GREB1: variants seen among roughly 807,000 people sequenced by gnomAD.
GREB1 encodes protein GREB1.
In GREB1, 106 loss-of-function variants were observed where a neutral mutation model predicts 200.7. That is an observed-to-expected ratio of 0.53 (90% CI 0.45 to 0.62). The LOEUF is 0.62. GREB1 is among the 20% of genes least tolerant of loss of function. GREB1 has a pLI of 0.00. For synonymous variants in GREB1, 1,132 were observed against 1,092.4 expected, an observed-to-expected ratio of 1.04 and a Z score of -0.72; for missense variants, 2,243 against 2,556.8, an observed-to-expected ratio of 0.88 and a Z score of 2.65.
intron 1 of GREB1, among the ~76,000 whole-genome samples, chr2:11,535,199 G>A (rs376008848): frequency 6.6e-6 from 1 of 152,080 alleles, no homozygotes; most frequent in Admixed American, 6.5e-5. Flanking sequence ...CACTTGTCTG[G>A]CGTATCTGAG....
chr2:11,562,980 C>CTTTCTTTCT lies in GREB1; in HGVS notation c.277+401_277+402insCTTTCTTTT, dbSNP rs1553356357. On this transcript the variant is annotated intron_variant, in intron 3 of 32. Transcript: ENST00000381486. ...TAGGAGGAATAATCTTTCTTTCTTT[C>CTTTCTTTCT]TTTTTTTTTTTTGACGGAATCTCAC... is the stretch of plus-strand genomic sequence containing the variant. The CTTTCTTTCT allele has an allele frequency of 9.1e-3, 1,343 of 148,022 alleles. 15 individuals are homozygous for CTTTCTTTCT. The highest frequency in any genetic ancestry group is 0.031 in the African/African-American group (1,259 of 40,576). The allele number at this position is 148,022 out of a possible 1,614,324, so 9.2% of individuals were successfully genotyped here.
chr2:11,588,366 G>A, intron 9 of GREB1: 1 of 862,284 alleles, frequency 1.2e-6, no homozygotes, highest in South Asian at 2.2e-5. Flanking sequence ...CTGGCAGGCA[G>A]CACCCAGTGA....
chr2:11,489,623 G>A (rs1672736022), intron 1 of GREB1, among the ~76,000 whole-genome samples: 1 of 152,150 alleles, frequency 6.6e-6, no homozygotes, highest in South Asian at 2.1e-4. Flanking sequence ...GAACTATGGA[G>A]GCAAGAAAAG....
rs1365225501 is a variant in GREB1, at chr2:11,640,962, A to G, written c.*508A>G. ...AGATCGTTTTAATAACAATTATTTA[A>G]TTGCCTATAAGTTTGCTGTTTCAGA... is the stretch of plus-strand genomic sequence containing the variant. On this transcript the variant is annotated 3_prime_UTR_variant, in exon 33 of 33. Coordinates refer to ENST00000381486, the MANE Select transcript of GREB1 (RefSeq NM_014668.4). The surrounding 1 kb of genome is among the most constrained non-coding windows in gnomAD (Gnocchi z 4.6). 3 of 154,790 alleles carry G rather than the reference A, an allele frequency of 1.9e-5. No homozygotes were observed. The highest frequency in any genetic ancestry group is 2.9e-5 in the Non-Finnish European group (2 of 70,010). 9.6% of individuals were successfully genotyped at this position (154,790 alleles called of 1,614,324 possible).
At chr2:11,635,201 T>C in intron 29 of GREB1, 69 bp from the exon 30 acceptor site, 1 of 1,587,276 alleles carries the variant, frequency 6.3e-7, no homozygotes, top group East Asian at 2.2e-5. Flanking sequence ...ACACTCTAGG[T>C]GCTGGGGGCA....
chr2:11,551,601 C>A (rs1259929632), intron 1 of GREB1, among the ~76,000 whole-genome samples: 2 of 152,222 alleles, frequency 1.3e-5, no homozygotes, highest in Non-Finnish European at 2.9e-5. Context: ...GAACTTACTT[C>A]TTTTTCTAGA....
intron 9 of GREB1, among the ~76,000 whole-genome samples, chr2:11,586,641 T>C (rs1680129984): frequency 6.6e-6 from 1 of 152,220 alleles, no homozygotes; most frequent in Admixed American, 6.5e-5. Flanking sequence ...AGGCCCCTCT[T>C]AAATACGTTA....
intron 1 of GREB1, among the ~76,000 whole-genome samples, chr2:11,527,991 A>G (rs1005877401): frequency 6.6e-6 from 1 of 152,204 alleles, no homozygotes; most frequent in African/African-American, 2.4e-5. Context: ...TTCTGCACTG[A>G]CAGTCAAATA....
chr2:11,570,679 G>A (rs1678178466), intron 4 of GREB1, among the ~76,000 whole-genome samples: 1 of 151,976 alleles, frequency 6.6e-6, no homozygotes. Context: ...GATATTTAGA[G>A]TGTTAGATGT....
Position 11,629,879 on chromosome 2 carries a change from G to A in GREB1, c.4450-69G>A. The stretch of plus-strand genomic sequence containing the variant: ...GAGCTGCACGTTGTCACAGCAGAGT[G>A]GGCCTGGGGTCTTCTGGGAAGCAGG... On this transcript the variant is annotated intron_variant, in intron 25 of 32. Coordinates refer to ENST00000381486, the MANE Select transcript of GREB1 (RefSeq NM_014668.4). This position sits in a 1 kb window ranked among gnomAD's most constrained non-coding sequence, Gnocchi z 5.2. The A allele has an allele frequency of 6.8e-7, 1 of 1,478,892 alleles. No homozygotes were observed. Among genetic ancestry groups the A allele is most frequent in the Non-Finnish European group, 9.4e-7 (1 of 1,068,786 alleles). 91.6% of individuals were successfully genotyped at this position (1,478,892 alleles called of 1,614,324 possible). A position where few individuals can be genotyped will look rare whatever the true frequency, so the allele number is the denominator to read the frequency against.
At chr2:11,590,194 C>G (rs942205966) in intron 10 of GREB1, among the ~76,000 whole-genome samples, 1 of 152,056 alleles carries the variant, frequency 6.6e-6, no homozygotes, top group Non-Finnish European at 1.5e-5. Flanking sequence ...CTCATAGTCC[C>G]CACCTGTCCA....
intron 1 of GREB1, among the ~76,000 whole-genome samples, chr2:11,495,925 A>G (rs994181876): frequency 1.3e-5 from 2 of 151,410 alleles, no homozygotes; most frequent in African/African-American, 2.4e-5. Flanking sequence ...CTGTCTTTGC[A>G]GCAGCCTTGG....
chr2:11,570,652 T>A (rs1678176331), intron 4 of GREB1, among the ~76,000 whole-genome samples: 1 of 152,012 alleles, frequency 6.6e-6, no homozygotes, highest in African/African-American at 2.4e-5. Flanking sequence ...TTTACCCTTA[T>A]AATTGATATT....
At chr2:11,566,135 C>T (rs1482361586) in intron 3 of GREB1, among the ~76,000 whole-genome samples, 2 of 152,092 alleles carry the variant, frequency 1.3e-5, no homozygotes, top group Non-Finnish European at 2.9e-5. Flanking sequence ...TCTCCTGCCC[C>T]AGCCTGACGA....
Position 11,497,575 on chromosome 2 carries a change from T to A in GREB1, c.-159+15194T>A, listed in dbSNP as rs115507119. ...GAGTTTTCCAAAGTGACTGTACCATTTCACACTCCCACCAGCAATGTGTGA... is the reference window on the plus strand; with the variant it reads ...GAGTTTTCCAAAGTGACTGTACCATATCACACTCCCACCAGCAATGTGTGA... On this transcript the variant is annotated intron_variant, in intron 1 of 2. Coordinates refer to the GREB1 transcript ENST00000628795. Among the ~76,000 whole-genome samples the A allele has an allele frequency of 3.9e-3, 601 of 152,354 alleles. 3 individuals are homozygous for A. The highest frequency in any genetic ancestry group is 0.014 in the African/African-American group (580 of 41,576).
At chr2:11,630,426 A>G (rs868155383) in intron 26 of GREB1, among the ~76,000 whole-genome samples, 3 of 152,240 alleles carry the variant, frequency 2.0e-5, no homozygotes, top group African/African-American at 4.8e-5. Context: ...GAAAGGCCCT[A>G]TCTTCCGTGC....
intron 4 of GREB1, among the ~76,000 whole-genome samples, chr2:11,572,382 G>A (rs1348324477): frequency 6.6e-6 from 1 of 152,228 alleles, no homozygotes; most frequent in Admixed American, 6.5e-5. Context: ...TCTCTGCAGA[G>A]GGAGTGGCCC....
chr2:11,637,281 G>T (rs1462438362), intron 30 of GREB1, among the ~76,000 whole-genome samples: 1 of 150,724 alleles, frequency 6.6e-6, no homozygotes, highest in African/African-American at 2.4e-5. Flanking sequence ...GATTTACGTA[G>T]ATGTAAACGT....
intron 1 of GREB1, among the ~76,000 whole-genome samples, chr2:11,488,268 C>T (rs1672700735): frequency 6.6e-6 from 1 of 152,108 alleles, no homozygotes; most frequent in Non-Finnish European, 1.5e-5. Context: ...GGGTGGTCAA[C>T]CTTGAGAACC....
Sources: allele counts gnomAD v4.1 joint callset (sites outside exome capture counted in the v4.1 genomes callset), GRCh38; gene constraint gnomAD v4.1.1; non-coding constraint Gnocchi (gnomAD v3.1); transcripts MANE v1.5; gene names NCBI Gene and HGNC (gene_info 2026-07-23, HGNC 2026-07-21).